MRNIP: variants seen among roughly 807,000 people sequenced by gnomAD.
The protein encoded by MRNIP is MRN complex interacting protein, also known as MRN complex-interacting protein.
Under a neutral mutation model 29.8 loss-of-function variants are expected in MRNIP, and 30 were observed. That is an observed-to-expected ratio of 1.01 (90% CI 0.75 to 1.36). The LOEUF is 1.36. Ranked by LOEUF, MRNIP falls within the 40% of genes most tolerant of loss-of-function variation. The pLI, the probability that MRNIP is intolerant of heterozygous loss-of-function variation, is 0.00. For synonymous variants in MRNIP, 201 were observed against 164.1 expected, an observed-to-expected ratio of 1.23 and a Z score of -1.72; for missense variants, 459 against 423.5, an observed-to-expected ratio of 1.08 and a Z score of -0.74.
rs755111311 is a variant in MRNIP, at chr5:179,841,936, G to A, written c.420C>T (p.Pro140=). The stretch of plus-strand genomic sequence containing the variant: ...TTCTAGGCAGGTCTTGACTGAAGCG[G>A]GGGCCTGGCTCCTCCATTTTGGATG... The part of the protein sequence containing the change: ...QPSSKMEEPG[P]RFSQDLPRKR... The change falls in exon 5 of 7, where the codon CCC becomes CCT. Residue 140 remains proline, a synonymous_variant. Transcript: ENST00000292586. 18 of 1,614,094 alleles carry A rather than the reference G, an allele frequency of 1.1e-5. No homozygotes were observed. The Admixed American group carries it at 3.0e-4, about 27-fold the overall frequency.
Position 179,855,548 on chromosome 5 carries a change from G to A in MRNIP, c.67-2111C>T, listed in dbSNP as rs548298163. ...TAAGATACCTTCAAAAATTAATATA[G>A]CTTTTATATGAGCAGACATCTAATT... On this transcript the variant is annotated intron_variant, in intron 1 of 6. Coordinates refer to ENST00000292586, the MANE Select transcript of MRNIP (RefSeq NM_016175.4). 1.4e-3 allele frequency among the ~76,000 whole-genome samples: 212 copies of A among 152,270 alleles called. 1 individual carries two copies. Among genetic ancestry groups the A allele is most frequent in the Non-Finnish European group, 2.6e-3 (177 of 68,026 alleles).
chr5:179,844,339 G>A (rs1759037012), intron 3 of MRNIP, 112 bp from the exon 4 acceptor site: 1 of 816,046 alleles, frequency 1.2e-6, no homozygotes, highest in Non-Finnish European at 2.1e-6. Context: ...GATCACCTGA[G>A]GTCAGGAGTT....
At chr5:179,858,045 C>T (rs1759675114) in intron 1 of MRNIP, among the ~76,000 whole-genome samples, 6 of 150,058 alleles carry the variant, frequency 4.0e-5, no homozygotes, top group Non-Finnish European at 1.5e-5. Flanking sequence ...AAGTCTGATG[C>T]TATTCTTTCT....
At chr5:179,848,234 T>C (rs183647535) in intron 2 of MRNIP, among the ~76,000 whole-genome samples, 168 bp from the exon 3 acceptor site, 3 of 152,270 alleles carry the variant, frequency 2.0e-5, no homozygotes, top group Admixed American at 2.0e-4. Flanking sequence ...TCTAGAATGA[T>C]TTACAAACCA....
At chr5:179,850,818 C>A (rs1759336371) in intron 2 of MRNIP, among the ~76,000 whole-genome samples, 1 of 152,180 alleles carries the variant, frequency 6.6e-6, no homozygotes, top group South Asian at 2.1e-4. Context: ...GCCACGAAAC[C>A]AGCCTCTTTC....
intron 2 of MRNIP, among the ~76,000 whole-genome samples, chr5:179,849,620 A>G (rs1441692934): frequency 3.3e-5 from 4 of 122,880 alleles, no homozygotes; most frequent in Admixed American, 8.0e-5. Context: ...GAGAGCATGG[A>G]TCCTGCAATG....
chr5:179,840,539 GC>G (rs1758835174), intron 6 of MRNIP: 1 of 468,652 alleles, frequency 2.1e-6, no homozygotes, highest in Admixed American at 4.0e-5. Context: ...GACGACTCCT[GC>G]CCGGACAAAG....
At chr5:179,851,447 G>A in intron 2 of MRNIP, 1 of 456,026 alleles carries the variant, frequency 2.2e-6, no homozygotes, top group Non-Finnish European at 4.4e-6. Flanking sequence ...AGAAAGGGAA[G>A]GAGAGGAGAA....
In MRNIP at chr5:179,841,194, G is replaced by GT. The variant is rs1758869084; in HGVS notation, c.450-236_450-235insA. 7.5e-6 allele frequency: 4 copies of GT among 536,362 alleles called. No individual in the cohort carries two copies. The East Asian group carries it at 1.3e-4, about 17-fold the overall frequency. 33.2% of individuals were successfully genotyped at this position (536,362 alleles called of 1,614,324 possible). On this transcript the variant is annotated intron_variant, in intron 5 of 6. Transcript: ENST00000292586. ...TCAGGGTCTCACCGGCACCCAGGCT[G>GT]GAGTGCAATGGCTCACTGCCGCCTT...
chr5:179,841,263 T>A (rs1052243255), intron 5 of MRNIP: 1 of 389,006 alleles, frequency 2.6e-6, no homozygotes, highest in African/African-American at 2.1e-5. Context: ...GCCTCCCAAG[T>A]AGCTGGGACC....
intron 4 of MRNIP, among the ~76,000 whole-genome samples, chr5:179,843,750 A>G (rs951564850): frequency 6.6e-6 from 1 of 151,392 alleles, no homozygotes; most frequent in African/African-American, 2.5e-5. Flanking sequence ...AGAGAAAAAA[A>G]ACAAAACAAA....
chr5:179,857,245 G>A (rs768267287), intron 1 of MRNIP, among the ~76,000 whole-genome samples: 1 of 151,832 alleles, frequency 6.6e-6, no homozygotes, highest in East Asian at 1.9e-4. Context: ...GGCAGATCAC[G>A]AGGTCAAGAG....
intron 3 of MRNIP, 24 bp downstream of exon 3, chr5:179,847,954 C>T (rs1329814033): frequency 6.6e-7 from 1 of 1,525,376 alleles, no homozygotes; most frequent in South Asian, 1.1e-5. Flanking sequence ...GCAAGACAAC[C>T]ACGCTCTTCT....
At chr5:179,838,311 C>T (rs527376537) in intron 6 of MRNIP, 11 of 227,776 alleles carry the variant, frequency 4.8e-5, no homozygotes, top group Non-Finnish European at 8.8e-5. Context: ...GTGGCAGCAC[C>T]GAGCTCCCTG....
At position 179,841,161 on chromosome 5, in the gene MRNIP, T is replaced by C. The variant is rs558913892; in HGVS notation, c.450-202A>G. 8.8e-6 allele frequency: 5 copies of C among 568,972 alleles called. No individual in the cohort carries two copies. The South Asian group carries it at 1.1e-4, about 12-fold the overall frequency. The allele number at this position is 568,972 out of a possible 1,614,324, so 35.2% of individuals were successfully genotyped here. On this transcript the variant is annotated intron_variant, in intron 5 of 6. Coordinates refer to ENST00000292586, the MANE Select transcript of MRNIP (RefSeq NM_016175.4). ...TCTAGGTGCTAGAAAGTTTTGTTTT[T>C]ATTTCAGTCAGGGTCTCACCGGCAC...
chr5:179,853,768 T>G (rs1221047912), intron 1 of MRNIP, among the ~76,000 whole-genome samples: 4 of 151,486 alleles, frequency 2.6e-5, no homozygotes, highest in Non-Finnish European at 5.9e-5. Context: ...TGAGACTCCA[T>G]CTCAAAAAAA....
At chr5:179,842,171 G>C (rs1758908815) in intron 4 of MRNIP, 107 bp from the exon 5 acceptor site, 1 of 1,112,874 alleles carries the variant, frequency 9.0e-7, no homozygotes, top group Middle Eastern at 2.3e-4. Context: ...GTCATGTCCA[G>C]CTCCACTCTA....
chr5:179,851,794 T>G (rs190581670), intron 2 of MRNIP, among the ~76,000 whole-genome samples: 1 of 151,972 alleles, frequency 6.6e-6, no homozygotes, highest in Non-Finnish European at 1.5e-5. Context: ...CTGGCTAACA[T>G]GGTGAAACCC....
At chr5:179,848,772 G>A (rs1369376425) in intron 2 of MRNIP, among the ~76,000 whole-genome samples, 2 of 152,200 alleles carry the variant, frequency 1.3e-5, no homozygotes, top group African/African-American at 4.8e-5. Context: ...AGAAGGTAAC[G>A]TTTGAGCACA....
Sources: allele counts gnomAD v4.1 joint callset (sites outside exome capture counted in the v4.1 genomes callset), GRCh38; gene constraint gnomAD v4.1.1; transcripts MANE v1.5; gene names NCBI Gene and HGNC (gene_info 2026-07-23, HGNC 2026-07-21).